Variants in EPN3 observed in about 807,000 individuals in gnomAD.
EPN3 encodes the protein epsin 3.
In EPN3, 56 loss-of-function variants were observed where a neutral mutation model predicts 55.5. The observed-to-expected ratio is 1.01, with a 90% CI of 0.81 to 1.26. The LOEUF (loss-of-function observed/expected upper bound fraction) is 1.26, where lower values mean the gene tolerates loss of function less well. Ranked by LOEUF, EPN3 falls within the 50% of genes most tolerant of loss-of-function variation. The pLI, the probability that EPN3 is intolerant of heterozygous loss-of-function variation, is 0.00. For synonymous variants in EPN3, 449 were observed against 375.2 expected, an observed-to-expected ratio of 1.20 and a Z score of -2.27; for missense variants, 927 against 853.4, an observed-to-expected ratio of 1.09 and a Z score of -1.07.
chr17:50,533,105 C>A, intron 1 of EPN3, 120 bp downstream of exon 1: 1 of 563,358 alleles, frequency 1.8e-6, no homozygotes, highest in Non-Finnish European at 2.6e-6. Flanking sequence ...GAAGGCTGAG[C>A]TGTAGAGGAC....
At chr17:50,534,901 C>T (rs1460510631) in intron 1 of EPN3, among the ~76,000 whole-genome samples, 3 of 151,902 alleles carry the variant, frequency 2.0e-5, no homozygotes, top group African/African-American at 4.8e-5. Context: ...AGGGTGGAGC[C>T]GAAAGGTGTT....
chr17:50,540,220 AGCCGCG>A (rs1002799904), intron 5 of EPN3, 21 bp from the exon 6 acceptor site: 5 of 1,603,858 alleles, frequency 3.1e-6, no homozygotes, highest in Non-Finnish European at 3.4e-6. Flanking sequence ...CCCACTTCTG[AGCCGCG>A]GCTGCCTCTC....
In EPN3 at chr17:50,542,229, G is replaced by A. The variant is rs921624993; in HGVS notation, c.*72G>A. 2 of 1,386,766 alleles carry A rather than the reference G, an allele frequency of 1.4e-6. No individual in the cohort carries two copies. Among genetic ancestry groups the A allele is most frequent in the Non-Finnish European group, 9.3e-7 (1 of 1,078,184 alleles). 85.9% of individuals were successfully genotyped at this position (1,386,766 alleles called of 1,614,324 possible). Reference sequence around the variant, plus strand: ...CGGCCCCGCCTCCGGACCCGGGGCTGGGCGGGGCGCCGGTGCTAGTGGAAC... The same window carrying A: ...CGGCCCCGCCTCCGGACCCGGGGCTAGGCGGGGCGCCGGTGCTAGTGGAAC... On this transcript the variant is annotated 3_prime_UTR_variant, in exon 10 of 10. Transcript: ENST00000268933.
chr17:50,538,499 G>C, intron 3 of EPN3: 1 of 458,846 alleles, frequency 2.2e-6, no homozygotes, highest in Non-Finnish European at 3.8e-6. Flanking sequence ...ATATTCCTAG[G>C]AGACACTGGG....
In EPN3 at chr17:50,540,974, C is replaced by A; in HGVS notation, c.1161C>A (p.Asp387Glu). The change falls in exon 7 of 10, where the codon GAC (aspartate) becomes GAA (glutamate). Residue 387 changes from aspartate to glutamate, a missense_variant. Coordinates refer to ENST00000268933, the MANE Select transcript of EPN3 (RefSeq NM_017957.3). ...TGCCTGCTGGGCCCCCCACCACAGA[C>A]CCCTGGGCCCTGAACTCTCCCCACC... ...PVLPAGPPTT[D>E]PWALNSPHHK... is the part of the protein sequence containing the mutation. The A allele has an allele frequency of 1.2e-6, 2 of 1,612,280 alleles. No homozygotes were observed. Among genetic ancestry groups the A allele is most frequent in the South Asian group, 1.1e-5 (1 of 90,976 alleles).
intron 1 of EPN3, chr17:50,534,470 T>G (rs1229688873): frequency 1.0e-6 from 1 of 985,398 alleles, no homozygotes; most frequent in Admixed American, 6.1e-5. Flanking sequence ...GGGCGTGTGC[T>G]GGGCGGGCTT....
In EPN3 at chr17:50,538,163, T is replaced by C. The variant is rs776022999; in HGVS notation, c.647T>C (p.Leu216Pro). Residue 216 changes from leucine (L) to proline (P), a missense_variant, in exon 3 of 10, where the codon CTG becomes CCG. Physicochemically the swap from Leu to Pro is moderately conservative, Grantham distance 98 (BLOSUM62 -3). Transcript: ENST00000268933. ...GGGGAAGAGGAACTGCAGCTGCAGC[T>C]GGCCCTCGCCATGAGCCGTGAGGAG... Reference protein sequence around the residue: ...TSGEEELQLQLALAMSREEAE... With the variant: ...TSGEEELQLQPALAMSREEAE... 8 of 1,613,102 alleles carry C rather than the reference T, an allele frequency of 5.0e-6. No individual in the cohort carries two copies. The South Asian group carries it at 7.7e-5, about 15-fold the overall frequency.
Position 50,537,090 on chromosome 17 carries a change from C to G in EPN3, c.534C>G (p.Arg178=). The G allele has an allele frequency of 6.2e-7, 1 of 1,608,106 alleles. No individual in the cohort carries two copies. The highest frequency in any genetic ancestry group is 8.5e-7 in the Non-Finnish European group (1 of 1,178,326). Residue 178 remains arginine (R), a synonymous_variant, in exon 2 of 10, where the codon CGC becomes CGG. Transcript: ENST00000268933. ...GCCGCTACGGCGAGGACTACAGCCGCTCCCGGGGCTCCCCGTCCTCCTACA... is the reference window on the plus strand; with the variant it reads ...GCCGCTACGGCGAGGACTACAGCCGGTCCCGGGGCTCCCCGTCCTCCTACA... ...FSRRYGEDYS[R]SRGSPSSYNS... is the part of the protein sequence containing the mutation.
chr17:50,538,183 G>T lies in EPN3; in HGVS notation c.667G>T (p.Glu223Ter). ...QLQLALAMSR[E>*]EAEKPVPPAS... The stretch of plus-strand genomic sequence containing the variant: ...GCAGCTGGCCCTCGCCATGAGCCGT[G>T]AGGAGGCAGAGAAGGTGAGGCCATG... Residue 223 changes from glutamate (E) to a stop codon, truncating the protein, a stop_gained, in exon 3 of 10, where the codon GAG (glutamate) becomes TAG (stop). Transcript: ENST00000268933. LOFTEE classifies it high-confidence loss of function. 2 of 1,610,286 alleles carry T rather than the reference G, an allele frequency of 1.2e-6. No homozygotes were observed. The highest frequency in any genetic ancestry group is 1.7e-6 in the Non-Finnish European group (2 of 1,179,564).
rs1415927285 is a variant in EPN3 at position 50,536,815 on chromosome 17, A to G, written c.259A>G (p.Thr87Ala). 6.2e-7 allele frequency: 1 copy of G among 1,614,004 alleles called. No homozygotes were observed. The highest frequency in any genetic ancestry group is 1.1e-5 in the South Asian group (1 of 91,074). The change falls in exon 2 of 10, where the codon ACG becomes GCG. Residue 87 changes from threonine to alanine, a missense_variant. Transcript: ENST00000268933. ...AACATTGCTGGACTACCTGCTCAAGACGGGCTCCGAGCGGGTGGCCCACCA... is the reference window on the plus strand; with the variant it reads ...AACATTGCTGGACTACCTGCTCAAGGCGGGCTCCGAGCGGGTGGCCCACCA... ...ALTLLDYLLK[T>A]GSERVAHQCR... is the part of the protein sequence containing the mutation.
In EPN3 at chr17:50,540,944, A is replaced by C; in HGVS notation, c.1131A>C (p.Pro377=). ...LSSSEPWGRT[P]VLPAGPPTTD... is the part of the protein sequence containing the mutation. ...CCTCTGAGCCCTGGGGCAGGACCCC[A>C]GTGCTGCCTGCTGGGCCCCCCACCA... Residue 377 remains proline, a synonymous_variant, in exon 7 of 10, where the codon CCA becomes CCC. Coordinates refer to ENST00000268933, the MANE Select transcript of EPN3 (RefSeq NM_017957.3). 6.2e-7 allele frequency: 1 copy of C among 1,613,708 alleles called. No homozygotes were observed. Among genetic ancestry groups the C allele is most frequent in the Non-Finnish European group, 8.5e-7 (1 of 1,179,950 alleles).
intron 1 of EPN3, among the ~76,000 whole-genome samples, chr17:50,533,495 G>A (rs976517948): frequency 3.9e-5 from 6 of 152,214 alleles, no homozygotes; most frequent in Non-Finnish European, 2.9e-5. Context: ...AGGACGGGAA[G>A]AGGGTGTGGG....
At position 50,541,548 on chromosome 17, in the gene EPN3, G is replaced by C. The variant is rs138924150; in HGVS notation, c.1439G>C (p.Gly480Ala). The part of the protein sequence containing the change: ...EPDALDLGIL[G>A]EALTQPSKEA... ...GATGCCCTGGACCTGGGCATACTAGGGGAAGCACTAACCCAGCCAAGCAAA... is the reference window on the plus strand; with the variant it reads ...GATGCCCTGGACCTGGGCATACTAGCGGAAGCACTAACCCAGCCAAGCAAA... Residue 480 changes from glycine to alanine, a missense_variant, in exon 9 of 10, where the codon GGG becomes GCG. Physicochemically the swap from Gly to Ala is moderately conservative, Grantham distance 60. Transcript: ENST00000268933. 7.2e-4 allele frequency: 1,158 copies of C among 1,614,166 alleles called. 1 individual carries two copies. Among genetic ancestry groups the C allele is most frequent in the Middle Eastern group, 1.5e-3 (9 of 6,062 alleles).
intron 3 of EPN3, chr17:50,538,416 C>T (rs2034795863): frequency 3.5e-6 from 2 of 567,202 alleles, no homozygotes; most frequent in Non-Finnish European, 6.3e-6. Flanking sequence ...GGCGAGTGTA[C>T]AATTAGGGGC....
chr17:50,541,974 C>T lies in EPN3; in HGVS notation c.1716C>T (p.Ser572=), dbSNP rs2034856101. The T allele has an allele frequency of 6.3e-7, 1 of 1,597,472 alleles. No individual in the cohort carries two copies. The highest frequency in any genetic ancestry group is 8.5e-7 in the Non-Finnish European group (1 of 1,178,236). The change falls in exon 10 of 10, where the codon TCC becomes TCT. Residue 572 remains serine, a synonymous_variant. Coordinates refer to ENST00000268933, the MANE Select transcript of EPN3 (RefSeq NM_017957.3). ...GGCCTGTGGGGGCGCCCCTGGGCTCCATGACCTACAGCGCCTCTCTGCCCC... is the reference window on the plus strand; with the variant it reads ...GGCCTGTGGGGGCGCCCCTGGGCTCTATGACCTACAGCGCCTCTCTGCCCC... ...AGGPVGAPLG[S]MTYSASLPLP...
intron 3 of EPN3, 76 bp from the exon 4 acceptor site, chr17:50,538,808 C>G: frequency 8.9e-7 from 1 of 1,128,164 alleles, no homozygotes; most frequent in East Asian, 2.6e-5. Flanking sequence ...TCCCCATGAC[C>G]CAGGCAGGCC....
rs1182333136 is a variant in EPN3 at position 50,537,388 on chromosome 17, T to C, written c.562+270T>C. 11 of 511,156 alleles carry C rather than the reference T, an allele frequency of 2.2e-5. No individual in the cohort carries two copies. In the East Asian group the frequency reaches 3.4e-4, roughly 16 times the overall value. The allele number at this position is 511,156 out of a possible 1,614,324, so 31.7% of individuals were successfully genotyped here. ...GTGGAAGCATGGGTTTGGAGTCAGA[T>C]AGCATTCTATATTCTGCTTCCTCCA... On this transcript the variant is annotated intron_variant, in intron 2 of 9. Coordinates refer to ENST00000268933, the MANE Select transcript of EPN3 (RefSeq NM_017957.3).
Position 50,538,077 on chromosome 17 carries a change from A to G in EPN3, c.563-2A>G, listed in dbSNP as rs1231934391. On this transcript the variant is annotated splice_acceptor_variant, in intron 2 of 9. Coordinates refer to ENST00000268933, the MANE Select transcript of EPN3 (RefSeq NM_017957.3). LOFTEE classifies it high-confidence loss of function. ...GTCACAGAGACATGATGGTCATTGC[A>G]GCCTCCTCTTCGTCACCCCGCTATA... is the stretch of plus-strand genomic sequence containing the variant. 1.9e-6 allele frequency: 3 copies of G among 1,612,382 alleles called. No homozygotes were observed. Among genetic ancestry groups the G allele is most frequent in the Admixed American group, 3.3e-5 (2 of 59,992 alleles).
intron 1 of EPN3, among the ~76,000 whole-genome samples, chr17:50,534,974 T>TGC (rs1160764868): frequency 6.6e-6 from 1 of 152,128 alleles, no homozygotes; most frequent in Non-Finnish European, 1.5e-5. Flanking sequence ...AGTGTGTGTG[T>TGC]GCATGCACAC....
Sources: gnomAD v4.1 joint callset for allele counts (sites outside exome capture counted in the v4.1 genomes callset) on GRCh38, gnomAD v4.1.1 for gene constraint, MANE v1.5 for transcripts, NCBI Gene and HGNC (gene_info 2026-07-23, HGNC 2026-07-21) for gene names.